ASTN2: variants seen among roughly 807,000 people sequenced by gnomAD.
The protein encoded by ASTN2 is astrotactin-2.
Under a neutral mutation model 139.8 loss-of-function variants are expected in ASTN2, and 54 were observed. That is an observed-to-expected ratio of 0.39 (90% CI 0.31 to 0.48). The LOEUF is 0.48. Among genes scored for constraint, ASTN2 ranks in the 20% least tolerant of loss-of-function variants. The pLI is 0.95. For missense variants in ASTN2, 1,565 were observed against 1,725.1 expected (o/e 0.91, Z 1.64); for synonymous variants, 756 against 719.5 (o/e 1.05, Z -0.81).
At chr9:116,529,749 T>C (rs1005509348) in intron 19 of ASTN2, among the ~76,000 whole-genome samples, 3 of 152,014 alleles carry the variant, frequency 2.0e-5, no homozygotes, top group African/African-American at 7.2e-5. Context: ...TCATGAGATC[T>C]TATCGTTTAA....
chr9:116,729,827 T>A (rs1564236533), intron 14 of ASTN2, among the ~76,000 whole-genome samples: 1 of 152,364 alleles, frequency 6.6e-6, no homozygotes, highest in East Asian at 1.9e-4. Context: ...TTTCTCAGCA[T>A]CTTGATTATA....
intron 20 of ASTN2, among the ~76,000 whole-genome samples, chr9:116,475,712 G>T (rs1000563949): frequency 6.6e-6 from 1 of 152,180 alleles, no homozygotes; most frequent in African/African-American, 2.4e-5. Flanking sequence ...TCTAGGCATT[G>T]TTCAGATGCT....
intron 1 of ASTN2, among the ~76,000 whole-genome samples, chr9:117,377,924 C>CTCTTTAAT: frequency 6.6e-6 from 1 of 151,912 alleles, no homozygotes; most frequent in Non-Finnish European, 1.5e-5. Context: ...ATACATGTGG[C>CTCTTTAAT]TATAATTAAA....
intron 12 of ASTN2, among the ~76,000 whole-genome samples, chr9:116,819,438 C>T (rs548923213): frequency 1.3e-5 from 2 of 152,274 alleles, no homozygotes; most frequent in East Asian, 3.9e-4. Flanking sequence ...GCTTCTACAC[C>T]TGCACAAAGG....
chr9:117,020,341 CT>C (rs138914234), intron 6 of ASTN2, among the ~76,000 whole-genome samples: 409 of 142,608 alleles, frequency 2.9e-3, no homozygotes, highest in Non-Finnish European at 2.8e-3. Flanking sequence ...TGAAAAATTG[CT>C]TTTTTTTTTT....
At chr9:116,737,047 T>C (rs1352244936) in intron 13 of ASTN2, among the ~76,000 whole-genome samples, 1 of 152,014 alleles carries the variant, frequency 6.6e-6, no homozygotes, top group Non-Finnish European at 1.5e-5. Context: ...CTTGGAGAAA[T>C]GCAGAAAGAC....
intron 20 of ASTN2, among the ~76,000 whole-genome samples, chr9:116,468,418 G>A (rs1848715846): frequency 6.6e-6 from 1 of 152,176 alleles, no homozygotes; most frequent in Non-Finnish European, 1.5e-5. Flanking sequence ...CACCTAAGAG[G>A]CAAGGAATTG....
chr9:116,710,827 A>T (rs1828136004), intron 16 of ASTN2, among the ~76,000 whole-genome samples: 1 of 152,078 alleles, frequency 6.6e-6, no homozygotes, highest in South Asian at 2.1e-4. Flanking sequence ...TGTTTTGTGA[A>T]ATGACGTTTA....
At chr9:117,301,812 T>C (rs745356422) in intron 1 of ASTN2, among the ~76,000 whole-genome samples, 1 of 151,508 alleles carries the variant, frequency 6.6e-6, no homozygotes, top group Admixed American at 6.6e-5. Context: ...TGAATGAGTT[T>C]TTAAGATCAC....
chr9:117,064,865 G>A (rs565828057), intron 5 of ASTN2, among the ~76,000 whole-genome samples: 84 of 152,100 alleles, frequency 5.5e-4, no homozygotes, highest in Non-Finnish European at 1.0e-3. Flanking sequence ...CCACCTAGAT[G>A]CTTTCAACTG....
chr9:116,937,247 C>T lies in ASTN2; in HGVS notation c.1889+37961G>A, dbSNP rs925963215. Among the ~76,000 whole-genome samples, 86 of 152,140 alleles carry T rather than the reference C, an allele frequency of 5.7e-4. 1 individual carries two copies. The highest frequency in any genetic ancestry group is 1.5e-5 in the Non-Finnish European group (1 of 68,024). On this transcript the variant is annotated intron_variant, in intron 10 of 22. Transcript: ENST00000313400. ...ACCCCTGAACATAATCTAAGAGGCT[C>T]TTCATGGTTGACTCCTGAGCAACCA...
chr9:116,854,407 A>T (rs150348654), intron 11 of ASTN2, among the ~76,000 whole-genome samples: 7 of 152,176 alleles, frequency 4.6e-5, no homozygotes, highest in Admixed American at 6.5e-5. Context: ...ACCCAAGGCT[A>T]AGAGGCTTTA....
At chr9:116,457,712 A>G (rs113984975) in intron 20 of ASTN2, among the ~76,000 whole-genome samples, 3 of 152,250 alleles carry the variant, frequency 2.0e-5, no homozygotes, top group African/African-American at 7.2e-5. Context: ...AAATGCTGAC[A>G]AAGATGTGGA....
At chr9:116,649,548 T>A (rs184456778) in intron 17 of ASTN2, among the ~76,000 whole-genome samples, 16 of 139,146 alleles carry the variant, frequency 1.1e-4, no homozygotes, top group African/African-American at 3.7e-4. Flanking sequence ...CACTCCAGCC[T>A]GGGCAACAAG....
At chr9:116,731,207 A>C (rs146401578) in intron 14 of ASTN2, among the ~76,000 whole-genome samples, 10,113 of 148,142 alleles carry the variant, frequency 0.068, 516 homozygotes, top group Non-Finnish European at 0.1. Context: ...TAATAATAAT[A>C]ATAATAATAA....
At chr9:116,802,083 C>CTTTTTTTTTTTTT (rs796156202) in intron 13 of ASTN2, among the ~76,000 whole-genome samples, 4 of 121,748 alleles carry the variant, frequency 3.3e-5, no homozygotes, top group African/African-American at 6.5e-5. Flanking sequence ...TTCTTTCTTT[C>CTTTTTTTTTTTTT]TTTTTTTTTT....
intron 2 of ASTN2, among the ~76,000 whole-genome samples, chr9:117,236,387 G>A (rs1441539212): frequency 6.6e-6 from 1 of 152,210 alleles, no homozygotes; most frequent in African/African-American, 2.4e-5. Flanking sequence ...CAGAGGGAGT[G>A]AGATGGAGAG....
At chr9:116,835,782 T>C (rs774701724) in intron 11 of ASTN2, among the ~76,000 whole-genome samples, 1 of 152,104 alleles carries the variant, frequency 6.6e-6, no homozygotes, top group African/African-American at 2.4e-5. Context: ...GCTCTTCTCA[T>C]TGACATGTAT....
At chr9:117,401,919 A>G (rs555323129) in intron 1 of ASTN2, among the ~76,000 whole-genome samples, 63 of 152,314 alleles carry the variant, frequency 4.1e-4, no homozygotes, top group Non-Finnish European at 7.5e-4. Flanking sequence ...GATTTGGCCC[A>G]TGGGCTATAT....
Sources: allele counts gnomAD v4.1 joint callset (sites outside exome capture counted in the v4.1 genomes callset), GRCh38; gene constraint gnomAD v4.1.1; transcripts MANE v1.5; gene names NCBI Gene and HGNC (gene_info 2026-07-23, HGNC 2026-07-21).